Variants in FAM78B observed in about 807,000 individuals in gnomAD.
The protein encoded by FAM78B is family with sequence similarity 78 member B, also known as protein FAM78B.
FAM78B carries 10 observed loss-of-function variants against 20.0 expected under a neutral mutation model. The observed-to-expected ratio is 0.50, with a 90% confidence interval of 0.31 to 0.85. FAM78B has a LOEUF of 0.85. FAM78B is among the 40% of genes least tolerant of loss of function. The pLI is 0.05. For synonymous variants in FAM78B, 135 were observed against 132.8 expected (o/e 1.02, Z -0.12); for missense variants, 283 against 345.0 (o/e 0.82, Z 1.42).
At chr1:166,140,796 T>C (rs549209077) in intron 1 of FAM78B, among the ~76,000 whole-genome samples, 2 of 152,370 alleles carry the variant, frequency 1.3e-5, no homozygotes, top group South Asian at 4.1e-4. Context: ...CTACCATTGA[T>C]CTGTACTATG....
At position 166,123,174 on chromosome 1, in the gene FAM78B, G is replaced by A. The variant is rs528607663; in HGVS notation, c.263+42812C>T. ...AAGTGGAGAACAGATGTCTCTGGCT[G>A]CCTCTGGCAGCTGCCTCCTTCTGGG... On this transcript the variant is annotated intron_variant, in intron 1 of 1. Coordinates refer to ENST00000354422, the MANE Select transcript of FAM78B (RefSeq NM_001017961.5). Among the ~76,000 whole-genome samples, 9 of 152,372 alleles carry A rather than the reference G, an allele frequency of 5.9e-5. No homozygotes were observed. In the South Asian group the frequency reaches 1.9e-3, roughly 32 times the overall value.
At chr1:166,159,801 C>T (rs190793767) in intron 1 of FAM78B, among the ~76,000 whole-genome samples, 57 of 152,354 alleles carry the variant, frequency 3.7e-4, no homozygotes, top group Non-Finnish European at 7.1e-4. Flanking sequence ...TCTCCAACTC[C>T]TCCTTTGACT....
intron 1 of FAM78B, among the ~76,000 whole-genome samples, chr1:166,103,378 A>T (rs540120553): frequency 6.6e-6 from 1 of 152,320 alleles, no homozygotes; most frequent in South Asian, 2.1e-4. Flanking sequence ...GGAAATAGAG[A>T]CACAAAAAAC....
At chr1:166,136,436 G>A (rs936108767) in intron 1 of FAM78B, among the ~76,000 whole-genome samples, 4 of 152,238 alleles carry the variant, frequency 2.6e-5, no homozygotes, top group Admixed American at 6.5e-5. Flanking sequence ...GATCAGTGAC[G>A]TAGGTAACAG....
At chr1:166,070,878 C>T in intron 1 of FAM78B, 115 bp from the exon 2 acceptor site, 1 of 1,171,726 alleles carries the variant, frequency 8.5e-7, no homozygotes. Flanking sequence ...GGGAAGTTCA[C>T]AGGGGGAATT....
At chr1:166,109,896 A>ATGTGTG (rs1274757469) in intron 1 of FAM78B, among the ~76,000 whole-genome samples, 2 of 59,968 alleles carry the variant, frequency 3.3e-5, no homozygotes, top group African/African-American at 1.1e-4. Context: ...ATATGTATAT[A>ATGTGTG]TATATATATA....
At chr1:166,109,416 C>T (rs1653911377) in intron 1 of FAM78B, among the ~76,000 whole-genome samples, 1 of 152,118 alleles carries the variant, frequency 6.6e-6, no homozygotes, top group South Asian at 2.1e-4. Context: ...AAATGCTCAA[C>T]ATCACTAATG....
intron 1 of FAM78B, chr1:166,164,955 T>C (rs1341056595): frequency 2.0e-5 from 3 of 152,268 alleles, no homozygotes; most frequent in African/African-American, 7.2e-5. Flanking sequence ...CGTTGCCACC[T>C]GCTCAGAGTC....
chr1:166,128,345 G>A (rs1021337003), intron 1 of FAM78B, among the ~76,000 whole-genome samples: 1 of 152,220 alleles, frequency 6.6e-6, no homozygotes. Flanking sequence ...AGAGAAAGAA[G>A]AGATGCAAAG....
intron 1 of FAM78B, among the ~76,000 whole-genome samples, chr1:166,149,218 C>T (rs546687504): frequency 2.4e-4 from 37 of 152,148 alleles, no homozygotes; most frequent in African/African-American, 8.0e-4. Flanking sequence ...AGGAATCGCA[C>T]ATGTACCCTA....
chr1:166,068,489 T>G (rs1270966355), downstream of FAM78B, among the ~76,000 whole-genome samples: 1 of 152,240 alleles, frequency 6.6e-6, no homozygotes, highest in Admixed American at 6.5e-5. Flanking sequence ...CTACATAATT[T>G]GGAGCAGATC....
rs370452969 is a variant in FAM78B at position 166,070,445 on chromosome 1, C to A, written c.582G>T (p.Arg194Ser). 1.9e-6 allele frequency: 3 copies of A among 1,614,078 alleles called. No individual in the cohort carries two copies. In the African/African-American group the frequency reaches 4.0e-5, roughly 22 times the overall value. ...IILQTIKWRMRVDIEVDPLQL... is the reference protein window; with the variant it reads ...IILQTIKWRMSVDIEVDPLQL... ...GAAGAGGGTCCACTTCAATGTCCAC[C>A]CTCATCCTCCACTTGATGGTCTGCA... The change falls in exon 2 of 2, where the codon AGG becomes AGT. Residue 194 changes from arginine to serine, a missense_variant. Transcript: ENST00000354422.
At chr1:166,127,249 G>A (rs1011585466) in intron 1 of FAM78B, among the ~76,000 whole-genome samples, 2 of 152,182 alleles carry the variant, frequency 1.3e-5, no homozygotes, top group Non-Finnish European at 2.9e-5. Context: ...GCTTTTGGCA[G>A]CTGCAATCAC....
At chr1:166,083,653 T>C (rs1652672211) in intron 1 of FAM78B, among the ~76,000 whole-genome samples, 1 of 152,172 alleles carries the variant, frequency 6.6e-6, no homozygotes, top group South Asian at 2.1e-4. Context: ...TACACGTGCG[T>C]GCCACCACGC....
At chr1:166,081,726 G>A (rs1208411762) in intron 1 of FAM78B, among the ~76,000 whole-genome samples, 2 of 152,152 alleles carry the variant, frequency 1.3e-5, no homozygotes, top group Non-Finnish European at 2.9e-5. Flanking sequence ...CTTATGCCAG[G>A]CTCTGGGGGT....
intron 1 of FAM78B, among the ~76,000 whole-genome samples, chr1:166,121,332 G>C (rs577771472): frequency 6.6e-6 from 1 of 152,052 alleles, no homozygotes; most frequent in Non-Finnish European, 1.5e-5. Context: ...CCCTCACCTC[G>C]GTCACTCTTG....
exon 3 of FAM78B, chr1:166,059,077 T>C (rs1475770096): frequency 6.6e-6 from 1 of 152,636 alleles, no homozygotes; most frequent in African/African-American, 2.4e-5. Context: ...GTCGCCAAAG[T>C]GCCCTTTAAA....
chr1:166,139,809 T>C (rs1232543830), intron 1 of FAM78B, among the ~76,000 whole-genome samples: 1 of 152,208 alleles, frequency 6.6e-6, no homozygotes, highest in Non-Finnish European at 1.5e-5. Context: ...TATGGTCTTT[T>C]AACCAGAGAG....
chr1:166,129,259 C>T (rs939213836), intron 1 of FAM78B, among the ~76,000 whole-genome samples: 2 of 152,198 alleles, frequency 1.3e-5, no homozygotes, highest in South Asian at 2.1e-4. Flanking sequence ...GCATGTGCTC[C>T]GCATGCAATT....
Sources: gnomAD v4.1 joint callset for allele counts (sites outside exome capture counted in the v4.1 genomes callset) on GRCh38, gnomAD v4.1.1 for gene constraint, MANE v1.5 for transcripts, NCBI Gene and HGNC (gene_info 2026-07-23, HGNC 2026-07-21) for gene names.